The following USP6NL variants were observed in gnomAD, a reference collection of about 807,000 sequenced individuals.
USP6NL encodes USP6 N-terminal-like protein.
A neutral mutation model predicts 61.9 loss-of-function variants in USP6NL; 26 were observed. The observed-to-expected ratio is 0.42, with a 90% CI of 0.31 to 0.58. The LOEUF is 0.58. USP6NL is among the 20% of genes least tolerant of loss of function. USP6NL has a pLI of 0.16. For missense variants in USP6NL, 1,114 were observed against 1,034.3 expected, an observed-to-expected ratio of 1.08 and a Z score of -1.06; for synonymous variants, 432 against 390.1, an observed-to-expected ratio of 1.11 and a Z score of -1.27.
chr10:11,485,118 C>T lies in USP6NL; in HGVS notation c.826-48G>A. 1 of 1,537,890 alleles carries T rather than the reference C, an allele frequency of 6.5e-7. No individual in the cohort carries two copies. Among genetic ancestry groups the T allele is most frequent in the Non-Finnish European group, 8.8e-7 (1 of 1,141,606 alleles). ...ACAAAAATAGGGTTAACAGCTTCCC[C>T]TCACCTTGTATTTATAATTTTATGA... On this transcript the variant is annotated intron_variant, in intron 12 of 14. Transcript: ENST00000609104. This position sits in a 1 kb window ranked among gnomAD's most constrained non-coding sequence, Gnocchi z 4.8.
intron 2 of USP6NL, among the ~76,000 whole-genome samples, chr10:11,584,441 C>A (rs1204961623): frequency 6.6e-6 from 1 of 152,118 alleles, no homozygotes; most frequent in East Asian, 1.9e-4. Flanking sequence ...TCTGTAATCA[C>A]CATAACACAT....
chr10:11,510,560 T>A lies in USP6NL; in HGVS notation c.196-885A>T, dbSNP rs1281236542. On this transcript the variant is annotated intron_variant, in intron 5 of 14. Coordinates refer to ENST00000609104, the MANE Select transcript of USP6NL (RefSeq NM_014688.5). The surrounding 1 kb of genome is among the most constrained non-coding windows in gnomAD (Gnocchi z 4.8). ...GGGCAAGGCTGCGGAATGGGGAAAG[T>A]GAGACGGAAAATGCTCGCTCTTCAC... 6.6e-6 allele frequency among the ~76,000 whole-genome samples: 1 copy of A among 152,078 alleles called. No individual in the cohort carries two copies.
At chr10:11,607,820 A>AT (rs1377767505) in intron 1 of USP6NL, among the ~76,000 whole-genome samples, 1 of 152,212 alleles carries the variant, frequency 6.6e-6, no homozygotes. Flanking sequence ...GTTACTTTAA[A>AT]TTTTTAATTT....
intron 2 of USP6NL, among the ~76,000 whole-genome samples, chr10:11,580,431 T>C (rs1048530955): frequency 6.6e-6 from 1 of 152,196 alleles, no homozygotes; most frequent in African/African-American, 2.4e-5. Flanking sequence ...ACAAGGATGT[T>C]TGCAATGTGT....
At position 11,600,459 on chromosome 10, in the gene USP6NL, G is replaced by C. The variant is rs778914139; in HGVS notation, c.-83-2742C>G. Among the ~76,000 whole-genome samples, 83 of 152,166 alleles carry C rather than the reference G, an allele frequency of 5.5e-4. 1 individual carries two copies. The highest frequency in any genetic ancestry group is 9.2e-4 in the Admixed American group (14 of 15,276). On this transcript the variant is annotated intron_variant, in intron 1 of 14. Transcript: ENST00000609104. This position sits in a 1 kb window ranked among gnomAD's most constrained non-coding sequence, Gnocchi z 4.1. ...CTCAACAGAGAGCGCAGACCAGTGAGCTAGAAAGAAACGTCTGGTGTTGTG... is the reference window on the plus strand; with the variant it reads ...CTCAACAGAGAGCGCAGACCAGTGACCTAGAAAGAAACGTCTGGTGTTGTG...
At chr10:11,475,301 C>CAATAAAA (rs1832923719) in intron 14 of USP6NL, among the ~76,000 whole-genome samples, 1 of 127,592 alleles carries the variant, frequency 7.8e-6, no homozygotes, top group African/African-American at 3.0e-5. Context: ...GAAAGTTTGC[C>CAATAAAA]AAAAAAAAAA....
At position 11,462,550 on chromosome 10, in the gene USP6NL, G is replaced by A. The variant is rs1401040102; in HGVS notation, c.2378C>T (p.Ala793Val). 3 of 1,614,050 alleles carry A rather than the reference G, an allele frequency of 1.9e-6. 1 individual carries two copies. In the South Asian group the frequency reaches 3.3e-5, roughly 18 times the overall value. ...TCCAGATGGACTGGCATCTTCTGCGGCCGGTGAAGCTTTATATCTCACGGG... is the reference window on the plus strand; with the variant it reads ...TCCAGATGGACTGGCATCTTCTGCGACCGGTGAAGCTTTATATCTCACGGG... ...DSPVRYKASPAAEDASPSGYP... is the reference protein window; with the variant it reads ...DSPVRYKASPVAEDASPSGYP... Residue 793 changes from alanine to valine, a missense_variant, in exon 15 of 15, where the codon GCC (alanine) becomes GTC (valine). Ala to Val is a moderately conservative substitution (Grantham distance 64). Coordinates refer to ENST00000609104, the MANE Select transcript of USP6NL (RefSeq NM_014688.5).
chr10:11,475,487 T>C (rs960674668), intron 14 of USP6NL, among the ~76,000 whole-genome samples: 34 of 150,966 alleles, frequency 2.3e-4, no homozygotes, highest in Non-Finnish European at 1.6e-4. Context: ...TCCCAGCTAT[T>C]TGGGAGGCTG....
intron 2 of USP6NL, among the ~76,000 whole-genome samples, chr10:11,531,294 A>G (rs1835645842): frequency 6.6e-6 from 1 of 152,136 alleles, no homozygotes; most frequent in South Asian, 2.1e-4. Flanking sequence ...AACCATGTGC[A>G]GAAATATGTA....
rs1195295759 is a variant in USP6NL at position 11,579,963 on chromosome 10, C to CGG, written c.4+17666_4+17667dup. 2.0e-3 allele frequency among the ~76,000 whole-genome samples: 200 copies of CGG among 102,286 alleles called. 1 individual carries two copies. Among genetic ancestry groups the CGG allele is most frequent in the African/African-American group, 5.6e-3 (164 of 29,324 alleles). 67.1% of individuals were successfully genotyped at this position (102,286 alleles called of 152,430 possible). A position where few individuals can be genotyped will look rare whatever the true frequency, so the allele number is the denominator to read the frequency against. ...ATTACAAACCACCAGTGGAGAGTGG[C>CGG]GGGGGGGGGGCAGCAACGTCTAAAG... On this transcript the variant is annotated intron_variant, in intron 2 of 14. Coordinates refer to ENST00000609104, the MANE Select transcript of USP6NL (RefSeq NM_014688.5).
intron 13 of USP6NL, among the ~76,000 whole-genome samples, chr10:11,484,005 G>A (rs867539092): frequency 2.0e-5 from 3 of 152,120 alleles, no homozygotes; most frequent in South Asian, 4.1e-4. Flanking sequence ...AGTAAAGTCC[G>A]TAACATGTAC....
intron 2 of USP6NL, among the ~76,000 whole-genome samples, chr10:11,531,741 G>T (rs1388649955): frequency 1.3e-5 from 2 of 150,044 alleles, no homozygotes; most frequent in African/African-American, 2.5e-5. Context: ...TTTATCTAAT[G>T]TAACAAAGTT....
At chr10:11,475,706 A>G (rs954333560) in intron 14 of USP6NL, among the ~76,000 whole-genome samples, 1 of 152,170 alleles carries the variant, frequency 6.6e-6, no homozygotes, top group Admixed American at 6.5e-5. Flanking sequence ...ATGGAAGCCA[A>G]AAGCATGAGG....
Position 11,532,039 on chromosome 10 carries a change from C to A in USP6NL, c.5-4472G>T, listed in dbSNP as rs116363682. 1 of 643,206 alleles carries A rather than the reference C, an allele frequency of 1.6e-6. No individual in the cohort carries two copies. The highest frequency in any genetic ancestry group is 2.6e-6 in the Non-Finnish European group (1 of 379,962). The allele number at this position is 643,206 out of a possible 1,614,324, so 39.8% of individuals were successfully genotyped here. ...TTAATGTCACTAAATTAGCACCAAA[C>A]TGCAATGAAAAATTCATACAAAGTT... On this transcript the variant is annotated intron_variant, in intron 2 of 14. Transcript: ENST00000609104. The surrounding 1 kb of genome is among the most constrained non-coding windows in gnomAD (Gnocchi z 4.1).
chr10:11,468,484 T>C lies in USP6NL; in HGVS notation c.1079-4635A>G, dbSNP rs371802944. On this transcript the variant is annotated intron_variant, in intron 14 of 14. Transcript: ENST00000609104. This position sits in a 1 kb window ranked among gnomAD's most constrained non-coding sequence, Gnocchi z 4.5. ...TGCCTACACCCCTCACTCAGAGGAG[T>C]GGTCCTGTCCTTCCCCTAGTTCTCA... is the stretch of plus-strand genomic sequence containing the variant. Among the ~76,000 whole-genome samples, 3 of 151,976 alleles carry C rather than the reference T, an allele frequency of 2.0e-5. No individual in the cohort carries two copies. The highest frequency in any genetic ancestry group is 4.4e-5 in the Non-Finnish European group (3 of 67,980).
rs540392768 is a variant in USP6NL, at chr10:11,591,759, T to A, written c.4+5872A>T. Among the ~76,000 whole-genome samples, 2 of 152,174 alleles carry A rather than the reference T, an allele frequency of 1.3e-5. No homozygotes were observed. The highest frequency in any genetic ancestry group is 3.4e-3 in the Middle Eastern group (1 of 294). The stretch of plus-strand genomic sequence containing the variant: ...TTCTTGTTGTAAGTTTGAAAAAATA[T>A]CAAAAGAAAATATATAAGAAAAGAA... On this transcript the variant is annotated intron_variant, in intron 2 of 14. Coordinates refer to ENST00000609104, the MANE Select transcript of USP6NL (RefSeq NM_014688.5). This position sits in a 1 kb window ranked among gnomAD's most constrained non-coding sequence, Gnocchi z 4.7.
rs759907481 is a variant in USP6NL at position 11,491,386 on chromosome 10, T to C, written c.495-506A>G. 2.6e-5 allele frequency among the ~76,000 whole-genome samples: 4 copies of C among 152,210 alleles called. No individual in the cohort carries two copies. Among genetic ancestry groups the C allele is most frequent in the Non-Finnish European group, 5.9e-5 (4 of 68,032 alleles). On this transcript the variant is annotated intron_variant, in intron 8 of 14. Coordinates refer to ENST00000609104, the MANE Select transcript of USP6NL (RefSeq NM_014688.5). The surrounding 1 kb of genome is among the most constrained non-coding windows in gnomAD (Gnocchi z 4.7). ...CAAGTAGGAGTGGCTCCACTCATCA[T>C]TCTCTCTAGAGATCCACTAGCAAAG...
intron 5 of USP6NL, among the ~76,000 whole-genome samples, chr10:11,514,501 C>A (rs1348937670): frequency 6.6e-6 from 1 of 152,224 alleles, no homozygotes; most frequent in East Asian, 1.9e-4. Context: ...CATCATTATT[C>A]TTTTTGAACC....
rs1283537560 is a variant in USP6NL, at chr10:11,532,326, CT to C, written c.5-4760del. 3.9e-6 allele frequency: 4 copies of C among 1,021,498 alleles called. No homozygotes were observed. The African/African-American group carries it at 6.6e-5, about 17-fold the overall frequency. 63.3% of individuals were successfully genotyped at this position (1,021,498 alleles called of 1,614,324 possible). On this transcript the variant is annotated intron_variant, in intron 2 of 14. Transcript: ENST00000609104. This position sits in a 1 kb window ranked among gnomAD's most constrained non-coding sequence, Gnocchi z 4.1. Reference sequence around the variant, plus strand: ...CGGCGGTACCTCACACATTCTGCAACTAACTAAAACAAAGAAAGGCAGAGGC... The same window carrying C: ...CGGCGGTACCTCACACATTCTGCAACAACTAAAACAAAGAAAGGCAGAGGC...
Sources: allele counts gnomAD v4.1 joint callset (sites outside exome capture counted in the v4.1 genomes callset), GRCh38; gene constraint gnomAD v4.1.1; non-coding constraint Gnocchi (gnomAD v3.1); transcripts MANE v1.5; gene names NCBI Gene and HGNC (gene_info 2026-07-23, HGNC 2026-07-21).